The following UBE2F variants were observed in gnomAD, a reference collection of about 807,000 sequenced individuals.
The protein encoded by UBE2F is NEDD8-conjugating enzyme UBE2F.
In UBE2F, 5 loss-of-function variants were observed where a neutral mutation model predicts 29.6. The observed-to-expected ratio is 0.17, with a 90% CI of 0.09 to 0.36. UBE2F has a LOEUF of 0.36. Among genes scored for constraint, UBE2F ranks in the 10% least tolerant of loss-of-function variants. The pLI, the probability that UBE2F is intolerant of heterozygous loss-of-function variation, is 1.00. For synonymous variants in UBE2F, 66 were observed against 81.8 expected (o/e 0.81, Z 1.04); for missense variants, 141 against 228.5 (o/e 0.62, Z 2.47).
At chr2:237,968,992 A>G (rs2063116736) in intron 1 of UBE2F, 1 of 271,198 alleles carries the variant, frequency 3.7e-6, no homozygotes, top group Admixed American at 6.5e-5. Flanking sequence ...CAGCTATGGC[A>G]ACATTCCCAA....
At chr2:237,973,699 A>G in intron 2 of UBE2F, 1 of 1,301,448 alleles carries the variant, frequency 7.7e-7, no homozygotes. Context: ...TCACGGAATT[A>G]ATAACATATA....
chr2:238,010,930 A>G (rs2064009188), intron 4 of UBE2F, among the ~76,000 whole-genome samples: 1 of 152,110 alleles, frequency 6.6e-6, no homozygotes, highest in Admixed American at 6.5e-5. Flanking sequence ...TGCAAGGTCA[A>G]AGATCTTCTT....
At chr2:238,007,538 A>G (rs1197306480) in intron 4 of UBE2F, among the ~76,000 whole-genome samples, 3 of 151,488 alleles carry the variant, frequency 2.0e-5, no homozygotes, top group Non-Finnish European at 4.4e-5. Flanking sequence ...TTAATCATGA[A>G]TGGATGCTTT....
chr2:237,996,284 T>G (rs2063690632), intron 4 of UBE2F, among the ~76,000 whole-genome samples: 1 of 152,172 alleles, frequency 6.6e-6, no homozygotes, highest in South Asian at 2.1e-4. Context: ...TAGTAAAATA[T>G]TTTCTTTCAT....
At chr2:237,977,026 C>T (rs1206663806) in intron 2 of UBE2F, among the ~76,000 whole-genome samples, 2 of 152,116 alleles carry the variant, frequency 1.3e-5, no homozygotes, top group Non-Finnish European at 2.9e-5. Flanking sequence ...TTCAAGGAGG[C>T]TCTGCGTCTC....
Position 238,040,816 on chromosome 2 carries a change from G to T in UBE2F, c.508-472G>T, listed in dbSNP as rs1237256290. On this transcript the variant is annotated intron_variant, in intron 9 of 9. Coordinates refer to ENST00000272930, the MANE Select transcript of UBE2F (RefSeq NM_080678.3). The surrounding 1 kb of genome is among the most constrained non-coding windows in gnomAD (Gnocchi z 4.4). The stretch of plus-strand genomic sequence containing the variant: ...GTCATCCTGCCCAGAAGAGATGGGG[G>T]CCTGTACATGGGCTGTGAAGAGCAG... 6.6e-6 allele frequency among the ~76,000 whole-genome samples: 1 copy of T among 152,086 alleles called. No homozygotes were observed. The highest frequency in any genetic ancestry group is 1.5e-5 in the Non-Finnish European group (1 of 68,014).
chr2:238,038,357 C>T (rs1424428885), intron 9 of UBE2F, among the ~76,000 whole-genome samples: 1 of 152,194 alleles, frequency 6.6e-6, no homozygotes, highest in Non-Finnish European at 1.5e-5. Context: ...GCAATCAGTC[C>T]CCGACCCCTG....
Position 238,020,715 on chromosome 2 carries a change from C to T in UBE2F, c.282+4082C>T, listed in dbSNP as rs116353533. Among the ~76,000 whole-genome samples, 280 of 152,318 alleles carry T rather than the reference C, an allele frequency of 1.8e-3. 2 individuals are homozygous for T. Among genetic ancestry groups the T allele is most frequent in the African/African-American group, 6.4e-3 (264 of 41,556 alleles). Reference sequence around the variant, plus strand: ...TTTTCTTTGTGTTTTTGTTCCTTTGCCTCTGCAGTTTAACTCCCAGCCTAA... The same window carrying T: ...TTTTCTTTGTGTTTTTGTTCCTTTGTCTCTGCAGTTTAACTCCCAGCCTAA... On this transcript the variant is annotated intron_variant, in intron 5 of 9. Transcript: ENST00000272930.
chr2:237,990,541 C>A, intron 3 of UBE2F: 1 of 286,988 alleles, frequency 3.5e-6, no homozygotes. Context: ...CAGCTGAGAC[C>A]TCAGACCTCA....
intron 7 of UBE2F, among the ~76,000 whole-genome samples, chr2:238,031,647 C>T (rs2064584089): frequency 6.6e-6 from 1 of 152,226 alleles, no homozygotes; most frequent in Admixed American, 6.5e-5. Flanking sequence ...ATTTGTGATT[C>T]ACAGATGGCA....
intron 4 of UBE2F, among the ~76,000 whole-genome samples, chr2:237,995,135 T>C (rs1031185382): frequency 6.6e-6 from 1 of 152,226 alleles, no homozygotes; most frequent in South Asian, 2.1e-4. Context: ...GTAGGAATAG[T>C]GTGACCTTGG....
intron 4 of UBE2F, among the ~76,000 whole-genome samples, chr2:237,998,445 CAT>C (rs2063729638): frequency 6.6e-6 from 1 of 152,088 alleles, no homozygotes; most frequent in African/African-American, 2.4e-5. Flanking sequence ...TTTCACTTAA[CAT>C]AGTTTTAAAT....
chr2:237,972,541 ATTTTTT>A (rs57914670), intron 1 of UBE2F, among the ~76,000 whole-genome samples: 3 of 124,244 alleles, frequency 2.4e-5, no homozygotes, highest in Non-Finnish European at 5.0e-5. Flanking sequence ...TTAATTTTAA[ATTTTTT>A]TTTTTTTTTT....
chr2:238,025,025 G>A (rs751237538), intron 5 of UBE2F, among the ~76,000 whole-genome samples: 2 of 152,178 alleles, frequency 1.3e-5, no homozygotes, highest in Non-Finnish European at 2.9e-5. Context: ...CAAACCCAGG[G>A]GGTGTGGGAG....
intron 1 of UBE2F, among the ~76,000 whole-genome samples, chr2:237,971,293 A>G (rs756255307): frequency 5.3e-5 from 8 of 152,194 alleles, no homozygotes; most frequent in Non-Finnish European, 1.0e-4. Flanking sequence ...AAAGGAAATT[A>G]TGGAAATATT....
chr2:237,994,399 G>A (rs528719366), intron 3 of UBE2F, among the ~76,000 whole-genome samples: 3 of 152,144 alleles, frequency 2.0e-5, no homozygotes, highest in Non-Finnish European at 4.4e-5. Flanking sequence ...TTGCCTGCAT[G>A]TATTAATCTC....
intron 4 of UBE2F, among the ~76,000 whole-genome samples, chr2:238,002,057 A>C (rs2063805642): frequency 8.0e-6 from 1 of 124,880 alleles, no homozygotes. Context: ...ATAAAGGAAT[A>C]TCCCAATTTT....
At chr2:238,032,344 C>T (rs537897273) in intron 8 of UBE2F, 90 bp downstream of exon 8, 3 of 1,185,554 alleles carry the variant, frequency 2.5e-6, no homozygotes, top group East Asian at 4.7e-5. Flanking sequence ...TAACACAAAA[C>T]CATGTTAAAA....
chr2:238,001,565 G>C (rs2063794034), intron 4 of UBE2F, among the ~76,000 whole-genome samples: 1 of 151,970 alleles, frequency 6.6e-6, no homozygotes, highest in South Asian at 2.1e-4. Flanking sequence ...TGCCTGTAAT[G>C]CCAGCATTTT....
Sources: allele counts gnomAD v4.1 joint callset (sites outside exome capture counted in the v4.1 genomes callset), GRCh38; gene constraint gnomAD v4.1.1; non-coding constraint Gnocchi (gnomAD v3.1); transcripts MANE v1.5; gene names NCBI Gene and HGNC (gene_info 2026-07-23, HGNC 2026-07-21).